Variants in ANKRD27 observed in about 807,000 individuals in gnomAD.
ANKRD27 encodes ankyrin repeat domain-containing protein 27.
A neutral mutation model predicts 129.7 loss-of-function variants in ANKRD27; 112 were observed. The ratio of observed to expected loss-of-function variants is 0.86; its 90% CI spans 0.74 to 1.01. ANKRD27 has a LOEUF of 1.01. ANKRD27 is among the 50% of genes least tolerant of loss of function. The probability of loss-of-function intolerance (pLI) is 0.00; values close to 1 mark genes in which losing one functional copy is unlikely to be tolerated. For missense variants in ANKRD27, 1,258 were observed against 1,300.5 expected (o/e 0.97, Z 0.50); for synonymous variants, 516 against 511.2 (o/e 1.01, Z -0.13).
At chr19:32,640,269 T>C in intron 11 of ANKRD27, 38 bp downstream of exon 11, 2 of 1,571,066 alleles carry the variant, frequency 1.3e-6, no homozygotes, top group East Asian at 2.3e-5. Flanking sequence ...GGCCAAGCAC[T>C]GCCATTTTCA....
intron 12 of ANKRD27, among the ~76,000 whole-genome samples, chr19:32,632,462 G>A (rs1967012332): frequency 6.6e-6 from 1 of 151,600 alleles, no homozygotes; most frequent in Non-Finnish European, 1.5e-5. Flanking sequence ...GCGGGCGCCT[G>A]TAATCCCAAC....
intron 12 of ANKRD27, among the ~76,000 whole-genome samples, chr19:32,634,503 G>A (rs1350081913): frequency 2.0e-5 from 3 of 152,216 alleles, no homozygotes; most frequent in African/African-American, 4.8e-5. Flanking sequence ...CTGACAACAA[G>A]AGGGGTGCCT....
intron 1 of ANKRD27, among the ~76,000 whole-genome samples, chr19:32,672,029 G>A (rs1029380376): frequency 6.6e-6 from 1 of 152,156 alleles, no homozygotes; most frequent in African/African-American, 2.4e-5. Context: ...AGTCTGGGTG[G>A]TCAAGAACCG....
rs566675237 is a variant in ANKRD27 at position 32,669,486 on chromosome 19, T to A, written c.-31+5585A>T. ...TTCTAGTTCCTGACATAGTTGGTTC[T>A]ATGTGGCACATTGCAAAAGTAAAGA... On this transcript the variant is annotated intron_variant, in intron 1 of 28. Coordinates refer to ENST00000306065, the MANE Select transcript of ANKRD27 (RefSeq NM_032139.3). 7.2e-5 allele frequency among the ~76,000 whole-genome samples: 11 copies of A among 152,328 alleles called. No individual in the cohort carries two copies. In the South Asian group the frequency reaches 2.3e-3, roughly 32 times the overall value.
At chr19:32,626,884 T>A in intron 15 of ANKRD27, 57 bp from the exon 16 acceptor site, 1 of 1,251,868 alleles carries the variant, frequency 8.0e-7, no homozygotes, top group Non-Finnish European at 1.1e-6. Flanking sequence ...CTTCCACACC[T>A]TAACTGTAAA....
At chr19:32,651,770 T>C (rs188543489) in intron 2 of ANKRD27, among the ~76,000 whole-genome samples, 23 of 152,256 alleles carry the variant, frequency 1.5e-4, no homozygotes, top group African/African-American at 5.5e-4. Context: ...CTGACTTGCA[T>C]AATGCACGTC....
chr19:32,600,156 TAG>T, intron 26 of ANKRD27, 106 bp from the exon 27 acceptor site: 1 of 875,738 alleles, frequency 1.1e-6, no homozygotes, highest in South Asian at 1.7e-5. Flanking sequence ...TTACAAAATT[TAG>T]AAACTGAAGC....
intron 25 of ANKRD27, 61 bp downstream of exon 25, chr19:32,604,202 G>T: frequency 1.3e-6 from 2 of 1,526,780 alleles, no homozygotes; most frequent in Non-Finnish European, 1.8e-6. Context: ...TAAACAAAGG[G>T]ATCCAGAGGG....
In ANKRD27 at chr19:32,639,558, G is replaced by A. The variant is rs1967156613; in HGVS notation, c.984-70C>T. On this transcript the variant is annotated intron_variant, in intron 11 of 28. Transcript: ENST00000306065. ...ACACTTCTGCAAAAAAAATATCATT[G>A]GCTTGGGCAACTGATCAAATATCTA... 3 of 1,529,108 alleles carry A rather than the reference G, an allele frequency of 2.0e-6. No homozygotes were observed. The Admixed American group carries it at 5.4e-5, about 28-fold the overall frequency. The allele number at this position is 1,529,108 out of a possible 1,614,324, so 94.7% of individuals were successfully genotyped here.
chr19:32,633,609 T>A (rs1357625421), intron 12 of ANKRD27, among the ~76,000 whole-genome samples: 1 of 151,466 alleles, frequency 6.6e-6, no homozygotes, highest in Admixed American at 6.6e-5. Flanking sequence ...CAGGCATGAG[T>A]GACCAGGCCC....
At chr19:32,617,778 G>A (rs1379990896) in intron 20 of ANKRD27, 145 bp from the exon 21 acceptor site, 1 of 453,024 alleles carries the variant, frequency 2.2e-6, no homozygotes, top group Non-Finnish European at 4.0e-6. Flanking sequence ...TTTTGAGATG[G>A]AGTTTCGCTC....
chr19:32,660,576 G>A (rs909411002), intron 1 of ANKRD27, among the ~76,000 whole-genome samples: 3 of 152,080 alleles, frequency 2.0e-5, no homozygotes, highest in African/African-American at 4.8e-5. Flanking sequence ...GCCACGTGAG[G>A]TTACAGAGAA....
At chr19:32,613,479 G>A (rs149432902) in intron 22 of ANKRD27, among the ~76,000 whole-genome samples, 1 of 152,262 alleles carries the variant, frequency 6.6e-6, no homozygotes, top group East Asian at 1.9e-4. Context: ...TTACCGAAAC[G>A]TCTACTCTAA....
chr19:32,625,721 C>T (rs1442053031), intron 17 of ANKRD27, among the ~76,000 whole-genome samples, 153 bp downstream of exon 17: 2 of 152,152 alleles, frequency 1.3e-5, no homozygotes, highest in South Asian at 2.1e-4. Context: ...CGTGAGCCAC[C>T]GTGCCTGGCC....
chr19:32,602,064 C>A lies in ANKRD27; in HGVS notation c.2718G>T (p.Val906=). 1 of 1,614,096 alleles carries A rather than the reference C, an allele frequency of 6.2e-7. No individual in the cohort carries two copies. Among genetic ancestry groups the A allele is most frequent in the Non-Finnish European group, 8.5e-7 (1 of 1,179,992 alleles). ...VPSCVASLDD[V]AETDRKEYVT... ...CATACTCCTTGCGGTCAGTTTCAGC[C>A]ACATCATCTAATGAAGCAACACAGC... is the stretch of plus-strand genomic sequence containing the variant. Residue 906 remains valine, a synonymous_variant, in exon 26 of 29, where the codon GTG becomes GTT. Transcript: ENST00000306065.
Position 32,602,136 on chromosome 19 carries a change from GA to G in ANKRD27, c.2656-11del. ...CCATTATTTTTGAATTCTGCAATTT[GA>G]AAGGGAAAAGGAACAGTAATGTTTT... On this transcript the variant is annotated splice_polypyrimidine_tract_variant and intron_variant, in intron 25 of 28. Transcript: ENST00000306065. 6.6e-7 allele frequency: 1 copy of G among 1,514,130 alleles called. No individual in the cohort carries two copies. Among genetic ancestry groups the G allele is most frequent in the African/African-American group, 1.4e-5 (1 of 72,842 alleles). The allele number at this position is 1,514,130 out of a possible 1,614,324, so 93.8% of individuals were successfully genotyped here.
chr19:32,657,206 G>A (rs1967554908), intron 2 of ANKRD27, among the ~76,000 whole-genome samples: 1 of 152,138 alleles, frequency 6.6e-6, no homozygotes, highest in Non-Finnish European at 1.5e-5. Context: ...GCTCACACCT[G>A]TAATTCCAGC....
In ANKRD27 at chr19:32,660,245, C is replaced by T. The variant is rs185132488; in HGVS notation, c.-30-1200G>A. ...AAGGCAGAGCCTTCATGAATGAGAT[C>T]AGTGCCCGTAATTATGCAGCCGGGC... On this transcript the variant is annotated intron_variant, in intron 1 of 28. Coordinates refer to ENST00000306065, the MANE Select transcript of ANKRD27 (RefSeq NM_032139.3). Among the ~76,000 whole-genome samples, 540 of 152,342 alleles carry T rather than the reference C, an allele frequency of 3.5e-3. 1 individual carries two copies. Among genetic ancestry groups the T allele is most frequent in the African/African-American group, 0.013 (527 of 41,592 alleles).
chr19:32,663,056 AC>A (rs1244566140), intron 1 of ANKRD27, among the ~76,000 whole-genome samples: 1 of 152,234 alleles, frequency 6.6e-6, no homozygotes, highest in Non-Finnish European at 1.5e-5. Context: ...ACAAAACAAA[AC>A]AAAAAGTCTT....
Sources: gnomAD v4.1 joint callset for allele counts (sites outside exome capture counted in the v4.1 genomes callset) on GRCh38, gnomAD v4.1.1 for gene constraint, MANE v1.5 for transcripts, NCBI Gene and HGNC (gene_info 2026-07-23, HGNC 2026-07-21) for gene names.